KIF13A: variants seen among roughly 807,000 people sequenced by gnomAD.
The protein encoded by KIF13A is kinesin-like protein KIF13A.
KIF13A carries 79 observed loss-of-function variants against 212.2 expected under a neutral mutation model. The ratio of observed to expected loss-of-function variants is 0.37; its 90% CI spans 0.31 to 0.45. The LOEUF (loss-of-function observed/expected upper bound fraction) is 0.45. Among genes scored for constraint, KIF13A ranks in the 20% least tolerant of loss-of-function variants. The probability of loss-of-function intolerance (pLI) is 1.00; values close to 1 mark genes in which losing one functional copy is unlikely to be tolerated. For missense variants in KIF13A, 1,901 were observed against 2,209.0 expected, an observed-to-expected ratio of 0.86 and a Z score of 2.79; for synonymous variants, 789 against 808.6, an observed-to-expected ratio of 0.98 and a Z score of 0.41.
At chr6:17,844,326 T>C (rs1766814462) in intron 9 of KIF13A, among the ~76,000 whole-genome samples, 1 of 152,206 alleles carries the variant, frequency 6.6e-6, no homozygotes, top group Non-Finnish European at 1.5e-5. Context: ...CATCAACCGT[T>C]GTGGTAGAAC....
chr6:17,817,271 C>A (rs753431385), intron 16 of KIF13A, 38 bp from the exon 17 acceptor site: 4 of 1,582,420 alleles, frequency 2.5e-6, no homozygotes, highest in South Asian at 2.2e-5. Flanking sequence ...GTCTTAGTGG[C>A]GGCTAAAACA....
Position 17,829,207 on chromosome 6 carries a change from A to G in KIF13A, c.1402-837T>C, listed in dbSNP as rs1040215235. Among the ~76,000 whole-genome samples the G allele has an allele frequency of 7.2e-5, 11 of 152,228 alleles. No individual in the cohort carries two copies. The highest frequency in any genetic ancestry group is 2.4e-4 in the African/African-American group (10 of 41,470). The stretch of plus-strand genomic sequence containing the variant: ...AGTGATCCGCCCGCCTTGGTCTCCC[A>G]AAGTTCTGGGATTACTGGCGTGAGA... On this transcript the variant is annotated intron_variant, in intron 13 of 38. Coordinates refer to ENST00000259711, the MANE Select transcript of KIF13A (RefSeq NM_022113.6). This position sits in a 1 kb window ranked among gnomAD's most constrained non-coding sequence, Gnocchi z 5.4.
At chr6:17,858,879 C>T (rs1768419482) in intron 4 of KIF13A, among the ~76,000 whole-genome samples, 2 of 152,088 alleles carry the variant, frequency 1.3e-5, no homozygotes, top group South Asian at 4.1e-4. Flanking sequence ...TTCATGATTT[C>T]AATTCATATT....
intron 3 of KIF13A, among the ~76,000 whole-genome samples, chr6:17,890,988 A>G (rs1772006309): frequency 1.3e-5 from 2 of 151,990 alleles, no homozygotes; most frequent in Admixed American, 1.3e-4. Flanking sequence ...CCTATCTGCG[A>G]TACTTCTCAG....
chr6:17,778,821 A>G (rs975020474), intron 33 of KIF13A, 126 bp downstream of exon 33: 7 of 1,111,622 alleles, frequency 6.3e-6, no homozygotes, highest in Non-Finnish European at 9.3e-6. Context: ...AGTCCTTTCA[A>G]TAGAGATGGC....
intron 16 of KIF13A, among the ~76,000 whole-genome samples, chr6:17,824,778 AAAC>A (rs532694412): frequency 0.057 from 7,957 of 140,676 alleles, 354 homozygotes; most frequent in African/African-American, 0.078. Flanking sequence ...AAAAAAAAAA[AAAC>A]AAAACACCAA....
At chr6:17,782,633 T>TCAAAACAAAACAAAACAAAA (rs11271505) in intron 29 of KIF13A, among the ~76,000 whole-genome samples, 3,807 of 149,968 alleles carry the variant, frequency 0.025, 51 homozygotes, top group Non-Finnish European at 0.034. Flanking sequence ...AGACTCTGTC[T>TCAAAACAAAACAAAACAAAA]CAAAACAAAA....
intron 2 of KIF13A, chr6:17,950,368 G>T (rs1777745096): frequency 2.1e-6 from 2 of 953,796 alleles, no homozygotes; most frequent in African/African-American, 1.8e-5. Flanking sequence ...TTTGGTTAGA[G>T]GAAAAGAAGA....
chr6:17,836,832 G>A (rs370372120), intron 11 of KIF13A, 46 bp downstream of exon 11: 14 of 1,561,720 alleles, frequency 9.0e-6, no homozygotes, highest in African/African-American at 1.4e-5. Context: ...GTCAAATCCC[G>A]CAAGCCAGGG....
chr6:17,906,354 G>T (rs899360435), intron 2 of KIF13A, among the ~76,000 whole-genome samples: 1 of 151,446 alleles, frequency 6.6e-6, no homozygotes, highest in African/African-American at 2.4e-5. Context: ...ATGGTGCTTT[G>T]CTTTTTCTTT....
chr6:17,965,761 C>G (rs1178196524), intron 2 of KIF13A, among the ~76,000 whole-genome samples: 1 of 152,170 alleles, frequency 6.6e-6, no homozygotes, highest in Non-Finnish European at 1.5e-5. Context: ...AACACATTAT[C>G]TTTAGTCATA....
intron 38 of KIF13A, among the ~76,000 whole-genome samples, chr6:17,766,758 G>A (rs758212543): frequency 1.4e-4 from 21 of 151,834 alleles, no homozygotes; most frequent in Non-Finnish European, 2.4e-4. Flanking sequence ...GTGGGGAGGG[G>A]GGATTTATCT....
chr6:17,865,854 TG>T (rs1361350588), intron 4 of KIF13A, among the ~76,000 whole-genome samples: 4 of 152,216 alleles, frequency 2.6e-5, no homozygotes, highest in Non-Finnish European at 5.9e-5. Flanking sequence ...AGTGTTAGTC[TG>T]GAAGTCTGGC....
intron 2 of KIF13A, among the ~76,000 whole-genome samples, chr6:17,983,469 C>A (rs1320369746): frequency 6.6e-6 from 1 of 150,994 alleles, no homozygotes; most frequent in Non-Finnish European, 1.5e-5. Context: ...CCCACCCCAC[C>A]CCCAAAACTG....
intron 3 of KIF13A, among the ~76,000 whole-genome samples, chr6:17,880,611 G>C (rs1348032337): frequency 7.0e-6 from 1 of 142,230 alleles, no homozygotes; most frequent in African/African-American, 2.6e-5. Flanking sequence ...CCAGGTGACA[G>C]GGCGAGACTC....
chr6:17,959,143 T>C (rs1778607822), intron 2 of KIF13A, among the ~76,000 whole-genome samples: 1 of 152,082 alleles, frequency 6.6e-6, no homozygotes, highest in Non-Finnish European at 1.5e-5. Context: ...TTACTGTAAG[T>C]CATATATAGG....
intron 2 of KIF13A, among the ~76,000 whole-genome samples, chr6:17,985,667 A>AT (rs954003419): frequency 7.0e-6 from 1 of 142,880 alleles, no homozygotes; most frequent in African/African-American, 2.7e-5. Flanking sequence ...CGTTGGTGAT[A>AT]TGGGCATCTA....
intron 16 of KIF13A, among the ~76,000 whole-genome samples, chr6:17,818,454 G>A (rs1051514361): frequency 3.3e-5 from 5 of 152,150 alleles, no homozygotes; most frequent in African/African-American, 1.2e-4. Context: ...GAAAAAGATA[G>A]CATGTTAGCT....
chr6:17,816,428 C>T lies in KIF13A; in HGVS notation c.2000+592G>A, dbSNP rs1189599840. On this transcript the variant is annotated intron_variant, in intron 17 of 38. Coordinates refer to ENST00000259711, the MANE Select transcript of KIF13A (RefSeq NM_022113.6). The surrounding 1 kb of genome is among the most constrained non-coding windows in gnomAD (Gnocchi z 4.3). ...ATGTTGCTCAGGCTGGTCTTAAACT[C>T]CTGGGCTCAAGCGATCCTCCCAGTG... Among the ~76,000 whole-genome samples the T allele has an allele frequency of 6.6e-6, 1 of 152,120 alleles. No individual in the cohort carries two copies. Among genetic ancestry groups the T allele is most frequent in the Non-Finnish European group, 1.5e-5 (1 of 68,012 alleles).
Sources: gnomAD v4.1 joint callset for allele counts (sites outside exome capture counted in the v4.1 genomes callset) on GRCh38, gnomAD v4.1.1 for gene constraint, Gnocchi (gnomAD v3.1) non-coding constraint, MANE v1.5 for transcripts, NCBI Gene and HGNC (gene_info 2026-07-23, HGNC 2026-07-21) for gene names.